Variants in EXOC6B observed in about 807,000 individuals in gnomAD.
EXOC6B encodes exocyst complex component 6B.
Under a neutral mutation model 113.5 loss-of-function variants are expected in EXOC6B, and 54 were observed. The observed-to-expected ratio is 0.48, with a 90% CI of 0.38 to 0.60. The LOEUF (loss-of-function observed/expected upper bound fraction) is 0.60, where lower values mean the gene tolerates loss of function less well. Among genes scored for constraint, EXOC6B ranks in the 20% least tolerant of loss-of-function variants. EXOC6B has a pLI of 0.00. For synonymous variants in EXOC6B, 357 were observed against 339.0 expected (o/e 1.05, Z -0.58); for missense variants, 797 against 977.5 (o/e 0.82, Z 2.46).
intron 16 of EXOC6B, among the ~76,000 whole-genome samples, chr2:72,488,063 C>T (rs554136694): frequency 2.0e-5 from 3 of 152,286 alleles, no homozygotes; most frequent in East Asian, 3.9e-4. Context: ...TTCCTTCCAC[C>T]ATTTTATTAA....
At chr2:72,575,089 T>G (rs9808444) in intron 7 of EXOC6B, among the ~76,000 whole-genome samples, 150,991 of 152,254 alleles carry the variant, frequency 0.99, 74,872 homozygotes, top group East Asian at 1. Flanking sequence ...TCAAGGTAAA[T>G]AATCTATTTG....
At chr2:72,401,187 G>A (rs774009136) in intron 18 of EXOC6B, among the ~76,000 whole-genome samples, 6 of 151,436 alleles carry the variant, frequency 4.0e-5, no homozygotes, top group Admixed American at 1.3e-4. Flanking sequence ...ATGGCCAGGC[G>A]TGGTAACTCA....
At chr2:72,621,400 A>G (rs903703594) in intron 6 of EXOC6B, among the ~76,000 whole-genome samples, 1 of 152,196 alleles carries the variant, frequency 6.6e-6, no homozygotes, top group Non-Finnish European at 1.5e-5. Flanking sequence ...AAACTGATGC[A>G]GGAACAGAAA....
chr2:72,739,554 A>AT (rs952215547), intron 2 of EXOC6B, among the ~76,000 whole-genome samples: 5 of 151,990 alleles, frequency 3.3e-5, no homozygotes, highest in African/African-American at 1.2e-4. Context: ...ACATCTCTCA[A>AT]TTTTTTCTTT....
chr2:72,757,959 G>A (rs899239638), intron 1 of EXOC6B, among the ~76,000 whole-genome samples: 4 of 151,926 alleles, frequency 2.6e-5, no homozygotes, highest in African/African-American at 7.3e-5. Flanking sequence ...CAAGGATTTC[G>A]CAACCAGCCC....
At chr2:72,372,005 A>C (rs2105030933) in intron 19 of EXOC6B, among the ~76,000 whole-genome samples, 1 of 152,360 alleles carries the variant, frequency 6.6e-6, no homozygotes, top group East Asian at 1.9e-4. Context: ...CACAAAAATC[A>C]GTGGCATTTC....
chr2:72,239,234 G>A (rs958741494), intron 20 of EXOC6B, among the ~76,000 whole-genome samples: 1 of 151,952 alleles, frequency 6.6e-6, no homozygotes, highest in Non-Finnish European at 1.5e-5. Flanking sequence ...TTCTTTTTTC[G>A]AGTGTGTGTT....
intron 6 of EXOC6B, among the ~76,000 whole-genome samples, chr2:72,641,305 T>C (rs1351733343): frequency 6.6e-6 from 1 of 152,206 alleles, no homozygotes; most frequent in East Asian, 1.9e-4. Context: ...TTCCCTTTCC[T>C]AGCCAAGGGA....
chr2:72,234,492 A>T (rs1681831921), intron 20 of EXOC6B, among the ~76,000 whole-genome samples: 1 of 152,216 alleles, frequency 6.6e-6, no homozygotes, highest in Non-Finnish European at 1.5e-5. Flanking sequence ...ACTTCTGGAC[A>T]TAGGCCCCCG....
chr2:72,396,961 T>C (rs1045009583), intron 18 of EXOC6B, among the ~76,000 whole-genome samples: 22 of 148,706 alleles, frequency 1.5e-4, no homozygotes, highest in African/African-American at 5.4e-4. Context: ...TGGGAGAAGA[T>C]GCGAACTCTA....
At chr2:72,338,360 G>C (rs1269972339) in intron 19 of EXOC6B, among the ~76,000 whole-genome samples, 12 of 152,018 alleles carry the variant, frequency 7.9e-5, no homozygotes, top group Non-Finnish European at 1.8e-4. Flanking sequence ...AATTCTCAGA[G>C]GGCTGGTAGC....
At chr2:72,590,250 T>C (rs1356050426) in intron 6 of EXOC6B, among the ~76,000 whole-genome samples, 3 of 152,012 alleles carry the variant, frequency 2.0e-5, no homozygotes, top group East Asian at 3.8e-4. Flanking sequence ...ATTCATATTA[T>C]ACCAGTAGTA....
chr2:72,413,664 A>C (rs1694331082), intron 18 of EXOC6B, among the ~76,000 whole-genome samples: 2 of 151,056 alleles, frequency 1.3e-5, no homozygotes, highest in African/African-American at 4.9e-5. Context: ...GCCTGGTGAC[A>C]GAACAAGACT....
chr2:72,500,433 A>G (rs1170719864), intron 11 of EXOC6B, among the ~76,000 whole-genome samples: 5 of 152,224 alleles, frequency 3.3e-5, no homozygotes, highest in African/African-American at 1.2e-4. Context: ...CCAATGAACC[A>G]TAAGTAAATG....
chr2:72,724,198 G>T (rs576468801), intron 5 of EXOC6B, among the ~76,000 whole-genome samples: 58 of 152,232 alleles, frequency 3.8e-4, no homozygotes, highest in Non-Finnish European at 5.4e-4. Context: ...GTAAAAAGAA[G>T]GAAGGAAGGG....
intron 17 of EXOC6B, among the ~76,000 whole-genome samples, chr2:72,479,579 C>A (rs1244496966): frequency 6.6e-6 from 1 of 152,042 alleles, no homozygotes; most frequent in African/African-American, 2.4e-5. Context: ...AATCAAATAA[C>A]AATATAAACA....
intron 20 of EXOC6B, chr2:72,263,209 T>C (rs1683848578): frequency 6.6e-6 from 1 of 152,198 alleles, no homozygotes; most frequent in Non-Finnish European, 1.5e-5. Context: ...AATAGGATAG[T>C]AGCCAGTGTC....
intron 6 of EXOC6B, among the ~76,000 whole-genome samples, chr2:72,640,464 T>A (rs964885448): frequency 6.6e-6 from 1 of 152,102 alleles, no homozygotes. Flanking sequence ...CATGAGAACG[T>A]CCCCAACCTA....
chr2:72,313,357 A>G (rs936742455), intron 20 of EXOC6B, among the ~76,000 whole-genome samples: 4 of 152,182 alleles, frequency 2.6e-5, no homozygotes, highest in African/African-American at 7.2e-5. Flanking sequence ...CATCCTGCAC[A>G]TGTACCCTAG....
Sources: gnomAD v4.1 joint callset for allele counts (sites outside exome capture counted in the v4.1 genomes callset) on GRCh38, gnomAD v4.1.1 for gene constraint, MANE v1.5 for transcripts, NCBI Gene and HGNC (gene_info 2026-07-23, HGNC 2026-07-21) for gene names.